USH2A: variants seen among roughly 807,000 people sequenced by gnomAD.
USH2A encodes usherin.
In USH2A, 443 loss-of-function variants were observed where a neutral mutation model predicts 538.9. The observed-to-expected ratio is 0.82, with a 90% CI of 0.76 to 0.89. The LOEUF (loss-of-function observed/expected upper bound fraction) is 0.89, where lower values mean the gene tolerates loss of function less well. Among genes scored for constraint, USH2A ranks in the 40% least tolerant of loss-of-function variants. The pLI is 0.00. For missense variants in USH2A, 6,633 were observed against 6,324.8 expected (o/e 1.05, Z -1.65); for synonymous variants, 2,413 against 2,273.5 (o/e 1.06, Z -1.75).
At chr1:216,009,967 T>A (rs1460434954) in intron 32 of USH2A, among the ~76,000 whole-genome samples, 1 of 152,170 alleles carries the variant, frequency 6.6e-6, no homozygotes, top group Non-Finnish European at 1.5e-5. Context: ...TCGCTCGGCA[T>A]CAACCCTGAG....
At chr1:215,914,068 C>CT (rs11366554) in intron 38 of USH2A, among the ~76,000 whole-genome samples, 6,794 of 92,054 alleles carry the variant, frequency 0.074, 448 homozygotes, top group Middle Eastern at 0.13. Context: ...AAGCAACAGA[C>CT]TTTTTTTTTT....
Position 216,422,536 on chromosome 1 carries a change from G to T in USH2A, c.-200C>A. The T allele has an allele frequency of 1.4e-5, 9 of 663,462 alleles. No homozygotes were observed. In the South Asian group the frequency reaches 1.4e-4, roughly 10 times the overall value. The allele number at this position is 663,462 out of a possible 1,614,324, so 41.1% of individuals were successfully genotyped here. A position where few individuals can be genotyped will look rare whatever the true frequency, so the allele number is the denominator to read the frequency against. On this transcript the variant is annotated 5_prime_UTR_variant, in exon 2 of 72. Transcript: ENST00000307340. ...AATGGCGAAGACATGAGTAGCTGCT[G>T]GTATCTGGGAATCAAAAACGTAGGG...
chr1:216,205,978 A>G (rs2035103448), intron 16 of USH2A, among the ~76,000 whole-genome samples: 1 of 152,194 alleles, frequency 6.6e-6, no homozygotes, highest in Non-Finnish European at 1.5e-5. Flanking sequence ...AAAGGCAAAG[A>G]TAGGCTTGAT....
rs1302722012 is a variant in USH2A at position 215,993,073 on chromosome 1, G to A, written c.6752C>T (p.Ser2251Leu). Residue 2251 changes from serine to leucine, a missense_variant, in exon 35 of 72, where the codon TCA becomes TTA. Physicochemically the swap from Ser to Leu is moderately radical, Grantham distance 145. Transcript: ENST00000307340. ...PEGVPAPKAH[S>L]YSPDSFNVSW... is the part of the protein sequence containing the mutation. The stretch of plus-strand genomic sequence containing the variant: ...GACATTAAAGGAGTCAGGTGAATAT[G>A]AGTGGGCTTTGGGGGCTGGCACGCC... The A allele has an allele frequency of 6.2e-7, 1 of 1,614,094 alleles. No homozygotes were observed. Among genetic ancestry groups the A allele is most frequent in the Non-Finnish European group, 8.5e-7 (1 of 1,179,970 alleles).
intron 56 of USH2A, among the ~76,000 whole-genome samples, chr1:215,764,088 G>A (rs1047338856): frequency 6.6e-6 from 1 of 152,104 alleles, no homozygotes; most frequent in African/African-American, 2.4e-5. Context: ...ATATAAACAT[G>A]TAGTAGACCA....
At position 215,930,209 on chromosome 1, in the gene USH2A, A is replaced by G. The variant is rs543000114; in HGVS notation, c.7300+4407T>C. Among the ~76,000 whole-genome samples, 10 of 152,212 alleles carry G rather than the reference A, an allele frequency of 6.6e-5. No individual in the cohort carries two copies. The South Asian group carries it at 2.1e-3, about 32-fold the overall frequency. The stretch of plus-strand genomic sequence containing the variant: ...CACTGTTACAATAAAGCAGTTCAGA[A>G]AAAGATAAACAGAATTATTCCTTTT... On this transcript the variant is annotated intron_variant, in intron 38 of 71. Coordinates refer to ENST00000307340, the MANE Select transcript of USH2A (RefSeq NM_206933.4).
Position 215,790,196 on chromosome 1 carries a change from T to C in USH2A, c.10045A>G (p.Lys3349Glu). ...TTTACTGGCACCGGGTCATTCTTTT[T>C]AATATGTGCTTTAGACTCTCCACTG... is the stretch of plus-strand genomic sequence containing the variant. ...ASSGESKAHI[K>E]KNDPVPVKCC... Residue 3349 changes from lysine to glutamate, a missense_variant, in exon 51 of 72, where the codon AAA (lysine) becomes GAA (glutamate). Coordinates refer to ENST00000307340, the MANE Select transcript of USH2A (RefSeq NM_206933.4). The C allele has an allele frequency of 1.2e-6, 2 of 1,614,118 alleles. No individual in the cohort carries two copies. Among genetic ancestry groups the C allele is most frequent in the Non-Finnish European group, 1.7e-6 (2 of 1,180,008 alleles).
At chr1:216,310,130 T>C (rs2037392326) in intron 9 of USH2A, among the ~76,000 whole-genome samples, 1 of 152,132 alleles carries the variant, frequency 6.6e-6, no homozygotes, top group East Asian at 1.9e-4. Context: ...ATTTAGACCA[T>C]TGACACTCAA....
chr1:215,730,384 CA>C (rs1236211384), intron 60 of USH2A, among the ~76,000 whole-genome samples: 1 of 152,176 alleles, frequency 6.6e-6, no homozygotes, highest in Non-Finnish European at 1.5e-5. Flanking sequence ...TCTTCTCCAT[CA>C]GCTCTTATTT....
intron 13 of USH2A, among the ~76,000 whole-genome samples, chr1:216,234,616 T>A (rs572744199): frequency 6.6e-6 from 1 of 152,190 alleles, no homozygotes; most frequent in African/African-American, 2.4e-5. Flanking sequence ...GATGATGGCA[T>A]CATGAATGTG....
Position 215,942,013 on chromosome 1 carries a change from C to T in USH2A, c.7121-7218G>A, listed in dbSNP as rs190707409. The stretch of plus-strand genomic sequence containing the variant: ...TGAGTCAGGAGTCTGGCACAGCTAA[C>T]TGGGTCCTGTGCTCAGGGTCTCAAA... On this transcript the variant is annotated intron_variant, in intron 37 of 71. Coordinates refer to ENST00000307340, the MANE Select transcript of USH2A (RefSeq NM_206933.4). Among the ~76,000 whole-genome samples, 11 of 152,216 alleles carry T rather than the reference C, an allele frequency of 7.2e-5. No individual in the cohort carries two copies. In the East Asian group the frequency reaches 1.2e-3, roughly 16 times the overall value.
intron 37 of USH2A, among the ~76,000 whole-genome samples, chr1:215,939,924 C>A (rs776186261): frequency 8.5e-5 from 13 of 152,054 alleles, no homozygotes; most frequent in Non-Finnish European, 1.8e-4. Context: ...CAAAGGTCAG[C>A]GTAGTCCTGT....
At chr1:216,000,973 T>C (rs1038397440) in intron 32 of USH2A, among the ~76,000 whole-genome samples, 10 of 152,144 alleles carry the variant, frequency 6.6e-5, no homozygotes, top group Admixed American at 2.0e-4. Flanking sequence ...ACAATGACTT[T>C]GAGCTTGTAA....
At position 216,359,215 on chromosome 1, in the gene USH2A, T is replaced by C. The variant is rs905184511; in HGVS notation, c.784+5738A>G. Among the ~76,000 whole-genome samples, 3 of 152,096 alleles carry C rather than the reference T, an allele frequency of 2.0e-5. No individual in the cohort carries two copies. In the South Asian group the frequency reaches 6.2e-4, roughly 31 times the overall value. Reference sequence around the variant, plus strand: ...AACTAAAGTAATACGGTCTTCATATTTTCTCTTTTGATTGGTACAACAATC... The same window carrying C: ...AACTAAAGTAATACGGTCTTCATATCTTCTCTTTTGATTGGTACAACAATC... On this transcript the variant is annotated intron_variant, in intron 4 of 71. Coordinates refer to ENST00000307340, the MANE Select transcript of USH2A (RefSeq NM_206933.4).
At chr1:215,671,513 G>A (rs1441709739) in intron 63 of USH2A, among the ~76,000 whole-genome samples, 1 of 151,984 alleles carries the variant, frequency 6.6e-6, no homozygotes, top group Non-Finnish European at 1.5e-5. Flanking sequence ...GGGTGACAGA[G>A]CAAGACTCTG....
intron 34 of USH2A, among the ~76,000 whole-genome samples, chr1:215,993,509 A>AACACACACACACACAC (rs66804361): frequency 0.062 from 9,009 of 146,272 alleles, 415 homozygotes; most frequent in African/African-American, 0.12. Flanking sequence ...GAGTGAATTA[A>AACACACACACACACAC]ACACACACAC....
rs1373104302 is a variant in USH2A at position 215,676,804 on chromosome 1, CT to C, written c.12295-1189del. Among the ~76,000 whole-genome samples the C allele has an allele frequency of 7.2e-5, 11 of 152,294 alleles. No individual in the cohort carries two copies. In the South Asian group the frequency reaches 1.7e-3, roughly 23 times the overall value. On this transcript the variant is annotated intron_variant, in intron 62 of 71. Coordinates refer to ENST00000307340, the MANE Select transcript of USH2A (RefSeq NM_206933.4). ...ACCCCCCAAGCACCCCTTGCTGCCC[CT>C]GATATTCACCCGGCAAATCTCTAAT...
chr1:216,272,979 G>A (rs2036604464), intron 11 of USH2A, among the ~76,000 whole-genome samples: 1 of 151,964 alleles, frequency 6.6e-6, no homozygotes, highest in African/African-American at 2.4e-5. Flanking sequence ...TAAATCCCAG[G>A]ATAAAAGCTG....
intron 62 of USH2A, among the ~76,000 whole-genome samples, chr1:215,678,343 C>T (rs1420656707): frequency 1.3e-5 from 2 of 152,196 alleles, no homozygotes; most frequent in Non-Finnish European, 2.9e-5. Flanking sequence ...CCTCCAACCT[C>T]TTCTAGTGCC....
Sources: gnomAD v4.1 joint callset for allele counts (sites outside exome capture counted in the v4.1 genomes callset) on GRCh38, gnomAD v4.1.1 for gene constraint, MANE v1.5 for transcripts, NCBI Gene and HGNC (gene_info 2026-07-23, HGNC 2026-07-21) for gene names.